PCDHGA2: variants seen among roughly 807,000 people sequenced by gnomAD.
PCDHGA2 encodes the protein protocadherin gamma-A2.
A neutral mutation model predicts 59.2 loss-of-function variants in PCDHGA2; 40 were observed. The ratio of observed to expected loss-of-function variants is 0.68; its 90% CI spans 0.52 to 0.88. The LOEUF (loss-of-function observed/expected upper bound fraction) is 0.88. Among genes scored for constraint, PCDHGA2 ranks in the 40% least tolerant of loss-of-function variants. The pLI, the probability that PCDHGA2 is intolerant of heterozygous loss-of-function variation, is 0.00. For synonymous variants in PCDHGA2, 560 were observed against 526.0 expected, an observed-to-expected ratio of 1.06 and a Z score of -0.89; for missense variants, 1,226 against 1,204.0, an observed-to-expected ratio of 1.02 and a Z score of -0.27.
At chr5:141,460,335 T>C (rs1201595717) in intron 1 of PCDHGA2, among the ~76,000 whole-genome samples, 3 of 152,194 alleles carry the variant, frequency 2.0e-5, no homozygotes, top group Non-Finnish European at 4.4e-5. Flanking sequence ...CTTATGATGA[T>C]TTTCTCCTAT....
chr5:141,420,225 C>G, intron 1 of PCDHGA2: 1 of 1,603,470 alleles, frequency 6.2e-7, no homozygotes. Flanking sequence ...ATGCTACTGG[C>G]TAGCATTTTA....
chr5:141,394,701 C>G lies in PCDHGA2; in HGVS notation c.2424+53306C>G, dbSNP rs375281416. 1.9e-6 allele frequency: 3 copies of G among 1,613,162 alleles called. No homozygotes were observed. Among genetic ancestry groups the G allele is most frequent in the Non-Finnish European group, 2.5e-6 (3 of 1,179,880 alleles). ...GCACACGGGCGAGGTGCGCACGGCG[C>G]GAGCCCTGCTGGACAGAGATGCGCT... is the stretch of plus-strand genomic sequence containing the variant. On this transcript the variant is annotated intron_variant, in intron 1 of 3. Transcript: ENST00000394576.
Position 141,451,147 on chromosome 5 carries a change from A to G in PCDHGA2, c.2425-43660A>G, listed in dbSNP as rs2098708727. ...CCAGCCTTATGATTGTATTTAGACT[A>G]GACATTTTTTTGGTAGTATATTATT... On this transcript the variant is annotated intron_variant, in intron 1 of 3. Coordinates refer to ENST00000394576, the MANE Select transcript of PCDHGA2 (RefSeq NM_018915.4). Among the ~76,000 whole-genome samples, 3 of 152,250 alleles carry G rather than the reference A, an allele frequency of 2.0e-5. No homozygotes were observed. In the South Asian group the frequency reaches 6.2e-4, roughly 32 times the overall value.
intron 1 of PCDHGA2, chr5:141,400,636 G>C: frequency 7.5e-7 from 1 of 1,325,762 alleles, no homozygotes; most frequent in Non-Finnish European, 1.1e-6. Context: ...AGTCAGAGCT[G>C]CTCAGAAAGC....
chr5:141,370,033 T>C (rs887540311), intron 1 of PCDHGA2, among the ~76,000 whole-genome samples: 10 of 152,232 alleles, frequency 6.6e-5, no homozygotes, highest in African/African-American at 2.4e-4. Context: ...ATATAGTAAG[T>C]ATATTTAATG....
chr5:141,422,342 TG>T, intron 1 of PCDHGA2: 1 of 1,551,514 alleles, frequency 6.4e-7, no homozygotes. Context: ...CTTCTAAATG[TG>T]CAAGATCAAG....
intron 1 of PCDHGA2, chr5:141,366,446 G>T: frequency 6.2e-7 from 1 of 1,614,178 alleles, no homozygotes; most frequent in South Asian, 1.1e-5. Context: ...CGTCTTCCTG[G>T]CCTTCGTCAT....
At chr5:141,484,499 A>G (rs567556335) in intron 1 of PCDHGA2, among the ~76,000 whole-genome samples, 20 of 152,344 alleles carry the variant, frequency 1.3e-4, no homozygotes, top group African/African-American at 4.6e-4. Flanking sequence ...CCGTTTCTGA[A>G]TATTCTGCAG....
At position 141,489,545 on chromosome 5, in the gene PCDHGA2, G is replaced by A. The variant is rs1396651116; in HGVS notation, c.2425-5262G>A. On this transcript the variant is annotated intron_variant, in intron 1 of 3. Transcript: ENST00000394576. The surrounding 1 kb of genome is among the most constrained non-coding windows in gnomAD (Gnocchi z 4.5). ...AGCCTATGTGGAGCCAGCACCAGCT[G>A]CCTGCTGCCAGTGCAGGTGGTGACT... 3 of 1,613,984 alleles carry A rather than the reference G, an allele frequency of 1.9e-6. No individual in the cohort carries two copies. The highest frequency in any genetic ancestry group is 2.5e-6 in the Non-Finnish European group (3 of 1,180,022).
At position 141,431,639 on chromosome 5, in the gene PCDHGA2, C is replaced by T; in HGVS notation, c.2425-63168C>T. 1 of 1,614,262 alleles carries T rather than the reference C, an allele frequency of 6.2e-7. No homozygotes were observed. The highest frequency in any genetic ancestry group is 8.5e-7 in the Non-Finnish European group (1 of 1,180,046). On this transcript the variant is annotated intron_variant, in intron 1 of 3. Transcript: ENST00000394576. This position sits in a 1 kb window ranked among gnomAD's most constrained non-coding sequence, Gnocchi z 4.8. Reference sequence around the variant, plus strand: ...CGACAAGGCGGCCCAAGTTTTCAAACTAGATTGTAATTCAGGGACAATATC... The same window carrying T: ...CGACAAGGCGGCCCAAGTTTTCAAATTAGATTGTAATTCAGGGACAATATC...
At chr5:141,446,129 A>C (rs1488078150) in intron 1 of PCDHGA2, among the ~76,000 whole-genome samples, 1 of 152,204 alleles carries the variant, frequency 6.6e-6, no homozygotes, top group Non-Finnish European at 1.5e-5. Flanking sequence ...GTTCAATAAG[A>C]CTTAATAATG....
rs745457172 is a variant in PCDHGA2 at position 141,490,744 on chromosome 5, C to T, written c.2425-4063C>T. The stretch of plus-strand genomic sequence containing the variant: ...TGTAGGAAATCAGGTTCAGGGAGCC[C>T]CAGCCTCCTCCTTTGTGTATGTCAA... On this transcript the variant is annotated intron_variant, in intron 1 of 3. Coordinates refer to ENST00000394576, the MANE Select transcript of PCDHGA2 (RefSeq NM_018915.4). The surrounding 1 kb of genome is among the most constrained non-coding windows in gnomAD (Gnocchi z 5.4). 1 of 1,614,142 alleles carries T rather than the reference C, an allele frequency of 6.2e-7. No homozygotes were observed. Among genetic ancestry groups the T allele is most frequent in the Non-Finnish European group, 8.5e-7 (1 of 1,180,006 alleles).
chr5:141,492,464 C>G (rs1595116794), intron 1 of PCDHGA2, among the ~76,000 whole-genome samples: 1 of 152,354 alleles, frequency 6.6e-6, no homozygotes, highest in Non-Finnish European at 1.5e-5. Context: ...GCCTGAGGGT[C>G]CCAGATCGCG....
At position 141,486,878 on chromosome 5, in the gene PCDHGA2, C is replaced by T. The variant is rs772994346; in HGVS notation, c.2425-7929C>T. ...CAATGCTCCAGCTGTGCTCCGTCCT[C>T]GGGCCCGGCCTGGTTCCTTATGTCC... On this transcript the variant is annotated intron_variant, in intron 1 of 3. Transcript: ENST00000394576. The surrounding 1 kb of genome is among the most constrained non-coding windows in gnomAD (Gnocchi z 5.0). 3.0e-5 allele frequency: 49 copies of T among 1,614,114 alleles called. No homozygotes were observed. The highest frequency in any genetic ancestry group is 4.4e-5 in the South Asian group (4 of 91,088).
At chr5:141,403,066 G>A in intron 1 of PCDHGA2, 1 of 1,614,076 alleles carries the variant, frequency 6.2e-7, no homozygotes, top group East Asian at 2.2e-5. Flanking sequence ...TGCCTGAAGA[G>A]ACAGAAAAGG....
intron 1 of PCDHGA2, chr5:141,352,446 C>T: frequency 1.9e-6 from 3 of 1,614,050 alleles, no homozygotes; most frequent in Non-Finnish European, 2.5e-6. Context: ...GGTCTCTGCT[C>T]CAAGTCTGGG....
chr5:141,393,620 G>T (rs1335715353), intron 1 of PCDHGA2: 1 of 1,613,908 alleles, frequency 6.2e-7, no homozygotes, highest in Non-Finnish European at 8.5e-7. Flanking sequence ...CCAGCGACCC[G>T]GATGAGGGAA....
chr5:141,434,277 A>G (rs760937958), intron 1 of PCDHGA2, among the ~76,000 whole-genome samples: 4 of 152,172 alleles, frequency 2.6e-5, no homozygotes, highest in Non-Finnish European at 4.4e-5. Flanking sequence ...AATTAGAGGT[A>G]TTCTCTGTTT....
chr5:141,499,054 TGAA>T (rs2099789231), intron 2 of PCDHGA2, among the ~76,000 whole-genome samples: 1 of 150,820 alleles, frequency 6.6e-6, no homozygotes, highest in Non-Finnish European at 1.5e-5. Context: ...GGAGAAAAAA[TGAA>T]GAAGACTTAC....
Sources: gnomAD v4.1 joint callset for allele counts (sites outside exome capture counted in the v4.1 genomes callset) on GRCh38, gnomAD v4.1.1 for gene constraint, Gnocchi (gnomAD v3.1) non-coding constraint, MANE v1.5 for transcripts, NCBI Gene and HGNC (gene_info 2026-07-23, HGNC 2026-07-21) for gene names.